Variants in ASZ1 observed in about 807,000 individuals in gnomAD.
ASZ1 encodes ankyrin repeat, SAM and basic leucine zipper domain containing 1.
Under a neutral mutation model 61.8 loss-of-function variants are expected in ASZ1, and 67 were observed. The ratio of observed to expected loss-of-function variants is 1.08; its 90% CI spans 0.89 to 1.33. The LOEUF is 1.33. ASZ1 is among the 40% of genes most tolerant of loss of function. The probability of loss-of-function intolerance (pLI) is 0.00; values close to 1 mark genes in which losing one functional copy is unlikely to be tolerated. For missense variants in ASZ1, 577 were observed against 554.5 expected, an observed-to-expected ratio of 1.04 and a Z score of -0.41; for synonymous variants, 193 against 192.7, an observed-to-expected ratio of 1.00 and a Z score of -0.01.
At position 117,363,650 on chromosome 7, in the gene ASZ1, T is replaced by C; in HGVS notation, c.1374A>G (p.Ile458Met). The change falls in exon 13 of 13, where the codon ATA (isoleucine) becomes ATG (methionine). Residue 458 changes from isoleucine (I) to methionine (M), a missense_variant. By Grantham distance (10) the Ile-to-Met change is conservative (BLOSUM62 1). Coordinates refer to ENST00000284629, the MANE Select transcript of ASZ1 (RefSeq NM_130768.3). Reference protein sequence around the residue: ...SRILKRTAITICGFGFLLFIC... With the variant: ...SRILKRTAITMCGFGFLLFIC... The stretch of plus-strand genomic sequence containing the variant: ...TGAAAAGAAGAAAACCGAATCCGCA[T>C]ATGGTAATAGCTGTCCTCTTCAAAA... 6.2e-7 allele frequency: 1 copy of C among 1,608,500 alleles called. No homozygotes were observed. The highest frequency in any genetic ancestry group is 8.5e-7 in the Non-Finnish European group (1 of 1,177,788).
chr7:117,413,642 C>T (rs1796938322), intron 4 of ASZ1, among the ~76,000 whole-genome samples: 1 of 151,608 alleles, frequency 6.6e-6, no homozygotes, highest in African/African-American at 2.4e-5. Context: ...ATAAGTCCCA[C>T]AGATGGAAAA....
chr7:117,366,020 C>A (rs1795930563), intron 12 of ASZ1, among the ~76,000 whole-genome samples: 1 of 152,244 alleles, frequency 6.6e-6, no homozygotes, highest in South Asian at 2.1e-4. Context: ...TCTCAGCACA[C>A]TCGGAGGCCG....
rs773103344 is a variant in ASZ1 at position 117,381,058 on chromosome 7, T to C, written c.898A>G (p.Ile300Val). The change falls in exon 9 of 13, where the codon ATA (isoleucine) becomes GTA (valine). Residue 300 changes from isoleucine (I) to valine (V), a missense_variant. By Grantham distance (29) the Ile-to-Val change is conservative. Coordinates refer to ENST00000284629, the MANE Select transcript of ASZ1 (RefSeq NM_130768.3). ...ATGGTCAAAAGATGTCTTAACGTTA[T>C]ATCCCTTTCCTGTATAAAAGGAAAA... Reference protein sequence around the residue: ...HMTDLLKERDITLRHLLTMRE... With the variant: ...HMTDLLKERDVTLRHLLTMRE... The C allele has an allele frequency of 1.9e-6, 3 of 1,595,484 alleles. No homozygotes were observed. The South Asian group carries it at 3.4e-5, about 18-fold the overall frequency.
At chr7:117,366,022 C>T (rs958547143) in intron 12 of ASZ1, among the ~76,000 whole-genome samples, 3 of 152,318 alleles carry the variant, frequency 2.0e-5, no homozygotes, top group East Asian at 1.9e-4. Flanking sequence ...TCAGCACACT[C>T]GGAGGCCGAG....
intron 10 of ASZ1, among the ~76,000 whole-genome samples, chr7:117,378,046 G>A (rs534845663): frequency 6.6e-6 from 1 of 152,008 alleles, no homozygotes; most frequent in Admixed American, 6.6e-5. Context: ...AACTCAAAAT[G>A]TATCATGGAC....
In ASZ1 at chr7:117,381,196, ATATAT is replaced by A; in HGVS notation, c.889-134_889-130del. 5 of 684,984 alleles carry A rather than the reference ATATAT, an allele frequency of 7.3e-6. No homozygotes were observed. The South Asian group carries it at 1.1e-4, about 14-fold the overall frequency. The allele number at this position is 684,984 out of a possible 1,614,324, so 42.4% of individuals were successfully genotyped here. ...ATTCCAATTTTCTAGAGGGGACAGG[ATATAT>A]ACATGCAGAACTATGCTACTGAGTA... is the stretch of plus-strand genomic sequence containing the variant. On this transcript the variant is annotated intron_variant, in intron 8 of 12. Transcript: ENST00000284629.
At chr7:117,390,915 GCTGGT>G (rs1796454177) in intron 4 of ASZ1, among the ~76,000 whole-genome samples, 4 of 152,034 alleles carry the variant, frequency 2.6e-5, no homozygotes, top group Admixed American at 2.6e-4. Flanking sequence ...TCATGGCCAG[GCTGGT>G]CTTGACCTCC....
intron 10 of ASZ1, among the ~76,000 whole-genome samples, chr7:117,371,997 A>AGG (rs1796059146): frequency 6.6e-6 from 1 of 152,196 alleles, no homozygotes; most frequent in African/African-American, 2.4e-5. Context: ...TGTGACATAT[A>AGG]ATTTTCAGAG....
chr7:117,409,548 AG>A (rs1796854360), intron 4 of ASZ1, among the ~76,000 whole-genome samples: 1 of 151,908 alleles, frequency 6.6e-6, no homozygotes, highest in South Asian at 2.1e-4. Flanking sequence ...ACATTCAAAT[AG>A]GGAATGTTAA....
chr7:117,391,715 TAAGTA>T (rs1347805887), intron 4 of ASZ1, among the ~76,000 whole-genome samples: 1 of 152,186 alleles, frequency 6.6e-6, no homozygotes, highest in Non-Finnish European at 1.5e-5. Context: ...AGCTTGAAGT[TAAGTA>T]ATGTGATGCC....
chr7:117,423,789 G>A (rs567578260), intron 2 of ASZ1, among the ~76,000 whole-genome samples: 7 of 149,472 alleles, frequency 4.7e-5, no homozygotes, highest in South Asian at 2.1e-4. Flanking sequence ...GTGAACACAC[G>A]AGGCAGAGCT....
intron 12 of ASZ1, among the ~76,000 whole-genome samples, chr7:117,364,317 C>G (rs532883020): frequency 1.6e-4 from 24 of 152,064 alleles, no homozygotes; most frequent in Admixed American, 1.1e-3. Context: ...TTCCCAGATG[C>G]AAATTTCTTG....
chr7:117,390,749 G>T (rs1334046089), intron 4 of ASZ1, among the ~76,000 whole-genome samples: 2 of 152,060 alleles, frequency 1.3e-5, no homozygotes, highest in African/African-American at 4.8e-5. Flanking sequence ...TGTCACCTAG[G>T]CTGGAGTGCA....
At chr7:117,398,919 C>T (rs560466640) in intron 4 of ASZ1, among the ~76,000 whole-genome samples, 3 of 152,258 alleles carry the variant, frequency 2.0e-5, no homozygotes, top group African/African-American at 7.2e-5. Flanking sequence ...TTGGCTAACT[C>T]CTACTTATCC....
chr7:117,377,567 G>C (rs1177709704), intron 10 of ASZ1, among the ~76,000 whole-genome samples: 1 of 152,064 alleles, frequency 6.6e-6, no homozygotes, highest in African/African-American at 2.4e-5. Context: ...AAAACTTTTA[G>C]AGATATCTGT....
chr7:117,425,470 G>A (rs1255264149), intron 2 of ASZ1, among the ~76,000 whole-genome samples: 1 of 151,570 alleles, frequency 6.6e-6, no homozygotes, highest in African/African-American at 2.4e-5. Flanking sequence ...GGGTTTCACT[G>A]TGTTAGCCAG....
intron 10 of ASZ1, among the ~76,000 whole-genome samples, chr7:117,372,687 A>G (rs1387954203): frequency 6.6e-6 from 1 of 152,230 alleles, no homozygotes; most frequent in African/African-American, 2.4e-5. Flanking sequence ...TCACTGTAGA[A>G]TATCTGGAAA....
chr7:117,364,134 A>G (rs1795885931), intron 12 of ASZ1, among the ~76,000 whole-genome samples: 1 of 152,240 alleles, frequency 6.6e-6, no homozygotes, highest in Non-Finnish European at 1.5e-5. Context: ...AAAGTGAATC[A>G]TTATTATAGC....
At chr7:117,395,319 T>G (rs1363976454) in intron 4 of ASZ1, among the ~76,000 whole-genome samples, 1 of 152,176 alleles carries the variant, frequency 6.6e-6, no homozygotes, top group Admixed American at 6.5e-5. Context: ...GAGCTTGAAT[T>G]CATAAGCCTA....
Sources: gnomAD v4.1 joint callset for allele counts (sites outside exome capture counted in the v4.1 genomes callset) on GRCh38, gnomAD v4.1.1 for gene constraint, MANE v1.5 for transcripts, NCBI Gene and HGNC (gene_info 2026-07-23, HGNC 2026-07-21) for gene names.